Variants in CACNA1C observed in about 807,000 individuals in gnomAD.
CACNA1C encodes the protein voltage-dependent L-type calcium channel subunit alpha-1C.
In CACNA1C, 30 loss-of-function variants were observed where a neutral mutation model predicts 229.0. The observed-to-expected ratio is 0.13, with a 90% confidence interval of 0.10 to 0.18. The LOEUF (loss-of-function observed/expected upper bound fraction) is 0.18, where lower values mean the gene tolerates loss of function less well. Among genes scored for constraint, CACNA1C ranks in the 10% least tolerant of loss-of-function variants. CACNA1C has a pLI of 1.00. For missense variants in CACNA1C, 1,658 were observed against 2,845.0 expected (o/e 0.58, Z 9.49); for synonymous variants, 1,114 against 1,132.5 (o/e 0.98, Z 0.33).
chr12:2,630,076 GC>G lies in CACNA1C; in HGVS notation c.3829-4218del, dbSNP rs2089621265. Among the ~76,000 whole-genome samples, 1 of 152,214 alleles carries G rather than the reference GC, an allele frequency of 6.6e-6. No individual in the cohort carries two copies. ...AAACGCTTTCCCTTCTGGGCAGCCC[GC>G]CCTGCGTGGCTCTGAGGAGCTGGAC... On this transcript the variant is annotated intron_variant, in intron 29 of 46. Transcript: ENST00000399655. The surrounding 1 kb of genome is among the most constrained non-coding windows in gnomAD (Gnocchi z 5.4).
intron 22 of CACNA1C, among the ~76,000 whole-genome samples, chr12:2,604,621 A>T (rs2074399418): frequency 6.6e-6 from 1 of 152,186 alleles, no homozygotes; most frequent in Non-Finnish European, 1.5e-5. Context: ...TAGAATTCTT[A>T]TTTAACCCTT....
At chr12:2,672,156 G>C (rs1406181812) in intron 38 of CACNA1C, 1 of 152,166 alleles carries the variant, frequency 6.6e-6, no homozygotes, top group Admixed American at 6.5e-5. Flanking sequence ...GTCATCCCAA[G>C]TCCAGTACCA....
At chr12:2,323,956 G>A (rs1416338804) in intron 3 of CACNA1C, among the ~76,000 whole-genome samples, 1 of 152,198 alleles carries the variant, frequency 6.6e-6, no homozygotes, top group Non-Finnish European at 1.5e-5. Context: ...GCATGGAGAA[G>A]ATGAAATCTG....
chr12:2,368,734 A>G (rs933096967), intron 3 of CACNA1C, among the ~76,000 whole-genome samples: 1 of 152,218 alleles, frequency 6.6e-6, no homozygotes, highest in Non-Finnish European at 1.5e-5. Context: ...TCAACAGCCC[A>G]GGGTGTATTT....
chr12:2,679,337 C>G lies in CACNA1C; in HGVS notation c.5092-107C>G, dbSNP rs2097002065. 2.4e-6 allele frequency: 2 copies of G among 818,520 alleles called. No individual in the cohort carries two copies. The highest frequency in any genetic ancestry group is 3.4e-5 in the African/African-American group (2 of 58,068). The allele number at this position is 818,520 out of a possible 1,614,324, so 50.7% of individuals were successfully genotyped here. A position where few individuals can be genotyped will look rare whatever the true frequency, so the allele number is the denominator to read the frequency against. The stretch of plus-strand genomic sequence containing the variant: ...GCTGTGCCTACCCGAAAGAAGGCAG[C>G]CCGCCTTCCCAGGCCCTGCACTTCC... On this transcript the variant is annotated intron_variant, in intron 41 of 46. Coordinates refer to ENST00000399655, the MANE Select transcript of CACNA1C (RefSeq NM_000719.7). The surrounding 1 kb of genome is among the most constrained non-coding windows in gnomAD (Gnocchi z 5.5).
In CACNA1C at chr12:2,597,585, T is replaced by C; in HGVS notation, c.2853+296T>C. The C allele has an allele frequency of 1.1e-6, 1 of 908,662 alleles. No homozygotes were observed. Among genetic ancestry groups the C allele is most frequent in the Non-Finnish European group, 1.8e-6 (1 of 555,236 alleles). The allele number at this position is 908,662 out of a possible 1,614,324, so 56.3% of individuals were successfully genotyped here. On this transcript the variant is annotated intron_variant, in intron 21 of 46. Transcript: ENST00000399655. The surrounding 1 kb of genome is among the most constrained non-coding windows in gnomAD (Gnocchi z 4.3). ...GGATCTTTTGTCTTTTCTGTTTCTT[T>C]CACTCTCTCTTTTCTTTACTCCCAA... is the stretch of plus-strand genomic sequence containing the variant.
intron 1 of CACNA1C, among the ~76,000 whole-genome samples, chr12:2,032,990 C>G (rs2048485007): frequency 6.6e-6 from 1 of 152,120 alleles, no homozygotes; most frequent in South Asian, 2.1e-4. Context: ...TTAATGTTTC[C>G]CAGTTTGATC....
In CACNA1C at chr12:2,285,516, T is replaced by A. The variant is rs1199325313; in HGVS notation, c.478-163460T>A. ...GTGCCGGCTACAACTCAGGAGCTTT[T>A]GGAACTTAGGAGCTCTGTTCTTAAA... On this transcript the variant is annotated intron_variant, in intron 3 of 46. Transcript: ENST00000399655. This position sits in a 1 kb window ranked among gnomAD's most constrained non-coding sequence, Gnocchi z 4.2. Among the ~76,000 whole-genome samples the A allele has an allele frequency of 6.6e-6, 1 of 152,190 alleles. No individual in the cohort carries two copies. The highest frequency in any genetic ancestry group is 2.4e-5 in the African/African-American group (1 of 41,448).
chr12:2,279,153 A>G (rs1335215410), intron 3 of CACNA1C, among the ~76,000 whole-genome samples: 1 of 152,074 alleles, frequency 6.6e-6, no homozygotes, highest in Non-Finnish European at 1.5e-5. Context: ...TTAAAATCAG[A>G]TATGTGCTTT....
intron 3 of CACNA1C, among the ~76,000 whole-genome samples, chr12:2,284,519 G>A (rs994243398): frequency 3.9e-5 from 6 of 152,160 alleles, no homozygotes; most frequent in Admixed American, 2.6e-4. Context: ...CATACTGCCC[G>A]CTTCTATGCT....
intron 1 of CACNA1C, among the ~76,000 whole-genome samples, chr12:2,047,230 G>A (rs1436883164): frequency 6.6e-6 from 1 of 152,202 alleles, no homozygotes; most frequent in African/African-American, 2.4e-5. Flanking sequence ...AGTCTCTTTG[G>A]CAGGGCTGTG....
rs1555274712 is a variant in CACNA1C at position 2,177,587 on chromosome 12, CCCTTCCTTCCTTCCTT to C, written c.477+57183_477+57198del. ...TCCCTCCCTCCCTCCCTCCCTCCCT[CCCTTCCTTCCTTCCTT>C]CCTTCCTTCCTTCCTTCCTTCCTTC... On this transcript the variant is annotated intron_variant, in intron 3 of 46. Coordinates refer to ENST00000399655, the MANE Select transcript of CACNA1C (RefSeq NM_000719.7). 1.4e-3 allele frequency among the ~76,000 whole-genome samples: 106 copies of C among 78,472 alleles called. 1 individual carries two copies. The highest frequency in any genetic ancestry group is 5.7e-3 in the African/African-American group (95 of 16,582). The allele number at this position is 78,472 out of a possible 152,430, so 51.5% of individuals were successfully genotyped here.
At chr12:2,513,053 C>T (rs2099788235) in intron 9 of CACNA1C, 69 bp downstream of exon 9, 2 of 1,344,358 alleles carry the variant, frequency 1.5e-6, no homozygotes, top group Non-Finnish European at 2.0e-6. Flanking sequence ...GGGGTCAGCA[C>T]AGAACTTTGA....
intron 3 of CACNA1C, among the ~76,000 whole-genome samples, chr12:2,236,807 AG>A (rs915256877): frequency 7.9e-5 from 12 of 152,130 alleles, no homozygotes; most frequent in African/African-American, 2.7e-4. Flanking sequence ...TGAGAAATGG[AG>A]GGGAGTGGTG....
In CACNA1C at chr12:2,593,340, C is replaced by A; in HGVS notation, c.2658C>A (p.Asn886Lys). 6.2e-7 allele frequency: 1 copy of A among 1,613,728 alleles called. No homozygotes were observed. The highest frequency in any genetic ancestry group is 8.5e-7 in the Non-Finnish European group (1 of 1,179,814). The part of the protein sequence containing the change: ...EASAFFIFSS[N>K]NRFRLQCHRI... ...GCGCGTTTTTCATCTTCAGCTCTAA[C>A]AACAGGTGTGCAGCAATGGTGGGGA... The change falls in exon 19 of 47, where the codon AAC becomes AAA. Residue 886 changes from asparagine (N) to lysine (K), a missense_variant. Physicochemically the swap from Asn to Lys is moderately conservative, Grantham distance 94. Transcript: ENST00000399655.
intron 3 of CACNA1C, among the ~76,000 whole-genome samples, chr12:2,385,708 A>G (rs769535187): frequency 3.3e-5 from 5 of 152,218 alleles, no homozygotes; most frequent in Non-Finnish European, 4.4e-5. Context: ...GAAATCCTGC[A>G]ATGGCCTCAG....
intron 3 of CACNA1C, among the ~76,000 whole-genome samples, chr12:2,266,813 G>GC (rs1353960057): frequency 6.6e-6 from 1 of 152,202 alleles, no homozygotes; most frequent in East Asian, 1.9e-4. Context: ...CTCGAGCTGG[G>GC]CAGGCCTGGG....
intron 3 of CACNA1C, among the ~76,000 whole-genome samples, chr12:2,298,609 C>G (rs2094291772): frequency 6.6e-6 from 1 of 152,196 alleles, no homozygotes; most frequent in Non-Finnish European, 1.5e-5. Flanking sequence ...GTGACAGGGT[C>G]TTAACATGGA....
intron 5 of CACNA1C, among the ~76,000 whole-genome samples, chr12:2,460,828 G>A (rs751120013): frequency 2.0e-4 from 30 of 152,336 alleles, no homozygotes; most frequent in Admixed American, 3.9e-4. Flanking sequence ...TGGGTCACCA[G>A]TAAAATGGTG....
Sources: gnomAD v4.1 joint callset for allele counts (sites outside exome capture counted in the v4.1 genomes callset) on GRCh38, gnomAD v4.1.1 for gene constraint, Gnocchi (gnomAD v3.1) non-coding constraint, MANE v1.5 for transcripts, NCBI Gene and HGNC (gene_info 2026-07-23, HGNC 2026-07-21) for gene names.